The following PRKG1 variants were observed in gnomAD, a reference collection of about 807,000 sequenced individuals.
PRKG1 encodes protein kinase cGMP-dependent 1.
A neutral mutation model predicts 88.1 loss-of-function variants in PRKG1; 35 were observed. The ratio of observed to expected loss-of-function variants is 0.40; its 90% confidence interval spans 0.30 to 0.53. The LOEUF is 0.53. PRKG1 is among the 20% of genes least tolerant of loss of function. The probability of loss-of-function intolerance (pLI) is 0.59; values close to 1 mark genes in which losing one functional copy is unlikely to be tolerated. For missense variants in PRKG1, 540 were observed against 839.8 expected (o/e 0.64, Z 4.41); for synonymous variants, 303 against 292.5 (o/e 1.04, Z -0.37).
intron 4 of PRKG1, among the ~76,000 whole-genome samples, chr10:51,900,244 G>T (rs923000824): frequency 6.6e-6 from 1 of 152,180 alleles, no homozygotes; most frequent in African/African-American, 2.4e-5. Context: ...ACAGATATAT[G>T]TAGCAGCAAA....
At position 52,295,328 on chromosome 10, in the gene PRKG1, AT is replaced by A. The variant is rs1344221834; in HGVS notation, c.*1435del. 6.6e-6 allele frequency: 1 copy of A among 152,014 alleles called. No individual in the cohort carries two copies. Among genetic ancestry groups the A allele is most frequent in the Non-Finnish European group, 1.5e-5 (1 of 67,966 alleles). The allele number at this position is 152,014 out of a possible 1,614,324, so 9.4% of individuals were successfully genotyped here. Reference sequence around the variant, plus strand: ...CAGTACAGAGGAAAACAGGAACCTGATTTTTTTAAAATAAATTTTAAATAAA... The same window carrying A: ...CAGTACAGAGGAAAACAGGAACCTGATTTTTTAAAATAAATTTTAAATAAA... On this transcript the variant is annotated 3_prime_UTR_variant, in exon 18 of 18. Coordinates refer to ENST00000373980, the MANE Select transcript of PRKG1 (RefSeq NM_006258.4).
chr10:51,879,123 T>G (rs1025168241), intron 4 of PRKG1, among the ~76,000 whole-genome samples: 4 of 152,204 alleles, frequency 2.6e-5, no homozygotes, highest in African/African-American at 9.7e-5. Context: ...TGTATTTGCT[T>G]GTAAATATCA....
chr10:51,601,000 G>C (rs904321079), intron 3 of PRKG1, among the ~76,000 whole-genome samples: 9 of 151,238 alleles, frequency 6.0e-5, no homozygotes, highest in African/African-American at 2.2e-4. Context: ...GACAGCAGGG[G>C]GAGGGGGAAA....
intron 1 of PRKG1, among the ~76,000 whole-genome samples, chr10:51,120,208 C>T (rs1489102084): frequency 1.3e-5 from 2 of 152,054 alleles, no homozygotes; most frequent in African/African-American, 2.4e-5. Context: ...ACAAAGTGTG[C>T]TCACTGCTTC....
intron 3 of PRKG1, among the ~76,000 whole-genome samples, chr10:51,702,740 A>C (rs1161465203): frequency 6.6e-6 from 1 of 151,982 alleles, no homozygotes. Context: ...CCTGTCAGCC[A>C]GGCTGGAGTG....
At chr10:51,283,546 A>G (rs1387384022) in intron 2 of PRKG1, among the ~76,000 whole-genome samples, 1 of 152,094 alleles carries the variant, frequency 6.6e-6, no homozygotes, top group African/African-American at 2.4e-5. Context: ...GGCAGTGAGT[A>G]TGTGTGTGAG....
intron 2 of PRKG1, among the ~76,000 whole-genome samples, chr10:51,442,978 G>A (rs561268390): frequency 1.2e-3 from 186 of 152,088 alleles, no homozygotes; most frequent in African/African-American, 4.2e-3. Context: ...AAGCTGCCAG[G>A]CCAGCACCAT....
chr10:51,134,191 A>G (rs1589182061), intron 1 of PRKG1, among the ~76,000 whole-genome samples: 1 of 152,190 alleles, frequency 6.6e-6, no homozygotes, highest in South Asian at 2.1e-4. Context: ...AAAAACTTCA[A>G]TAAATAGGAG....
At chr10:51,160,927 G>A (rs1038043705) in intron 2 of PRKG1, among the ~76,000 whole-genome samples, 1 of 150,888 alleles carries the variant, frequency 6.6e-6, no homozygotes, top group Admixed American at 6.6e-5. Context: ...TGTCCATGAA[G>A]GTACATTCAT....
At chr10:51,064,165 C>T (rs376822509) in intron 1 of PRKG1, among the ~76,000 whole-genome samples, 1 of 151,960 alleles carries the variant, frequency 6.6e-6, no homozygotes, top group South Asian at 2.1e-4. Flanking sequence ...TGACATTTTT[C>T]TGTTGTGGAG....
At chr10:51,672,765 A>T (rs185149074) in intron 3 of PRKG1, among the ~76,000 whole-genome samples, 1 of 152,238 alleles carries the variant, frequency 6.6e-6, no homozygotes, top group Non-Finnish European at 1.5e-5. Context: ...ACAGGTAGTA[A>T]AAATTAAAAC....
At chr10:51,954,788 C>T (rs1049675923) in intron 5 of PRKG1, among the ~76,000 whole-genome samples, 4 of 152,104 alleles carry the variant, frequency 2.6e-5, no homozygotes, top group African/African-American at 9.7e-5. Flanking sequence ...GCAGAATAGA[C>T]TTGGTATTGC....
At chr10:51,789,900 C>A (rs1266651176) in intron 3 of PRKG1, among the ~76,000 whole-genome samples, 2 of 152,028 alleles carry the variant, frequency 1.3e-5, no homozygotes, top group African/African-American at 4.8e-5. Context: ...CGAGTCACTG[C>A]AACCTCTGCC....
intron 1 of PRKG1, among the ~76,000 whole-genome samples, chr10:51,048,978 T>C (rs1484538470): frequency 6.6e-6 from 1 of 152,078 alleles, no homozygotes; most frequent in Non-Finnish European, 1.5e-5. Context: ...TGAGTAAAGA[T>C]TTATTTCTTC....
At chr10:51,924,850 A>C (rs1274952358) in intron 5 of PRKG1, among the ~76,000 whole-genome samples, 5 of 149,530 alleles carry the variant, frequency 3.3e-5, no homozygotes, top group Admixed American at 3.3e-4. Context: ...AGCATTCTTC[A>C]TTTCTGTTGC....
At chr10:51,801,205 G>A (rs1362806170) in intron 3 of PRKG1, among the ~76,000 whole-genome samples, 2 of 152,038 alleles carry the variant, frequency 1.3e-5, no homozygotes, top group African/African-American at 4.8e-5. Flanking sequence ...AGTACATATG[G>A]TCTCTGTTGC....
At chr10:51,161,728 T>C (rs2131989187) in intron 2 of PRKG1, among the ~76,000 whole-genome samples, 2 of 152,330 alleles carry the variant, frequency 1.3e-5, no homozygotes, top group South Asian at 4.1e-4. Context: ...TTTATTTCTA[T>C]GCTTTTTCAT....
chr10:51,424,242 A>G (rs972736800), intron 2 of PRKG1, among the ~76,000 whole-genome samples: 19 of 152,150 alleles, frequency 1.2e-4, no homozygotes, highest in African/African-American at 4.6e-4. Context: ...TCTTTGGACC[A>G]TTCTAGAGTA....
At chr10:51,126,506 A>G (rs1050268552) in intron 1 of PRKG1, among the ~76,000 whole-genome samples, 2 of 144,706 alleles carry the variant, frequency 1.4e-5, no homozygotes, top group Non-Finnish European at 3.0e-5. Flanking sequence ...AAATTATATA[A>G]TTTATAAATA....
Sources: allele counts gnomAD v4.1 joint callset (sites outside exome capture counted in the v4.1 genomes callset), GRCh38; gene constraint gnomAD v4.1.1; transcripts MANE v1.5; gene names NCBI Gene and HGNC (gene_info 2026-07-23, HGNC 2026-07-21).